SSBP2: variants seen among roughly 807,000 people sequenced by gnomAD.
The protein encoded by SSBP2 is single-stranded DNA-binding protein 2.
In SSBP2, 17 loss-of-function variants were observed where a neutral mutation model predicts 61.8. That is an observed-to-expected ratio of 0.28 (90% CI 0.19 to 0.41). SSBP2 has a LOEUF of 0.41. Ranked by LOEUF, SSBP2 falls within the 10% of genes least tolerant of loss-of-function variation. SSBP2 has a pLI of 1.00. For missense variants in SSBP2, 310 were observed against 458.7 expected (o/e 0.68, Z 2.96); for synonymous variants, 139 against 141.3 (o/e 0.98, Z 0.12).
intron 1 of SSBP2, among the ~76,000 whole-genome samples, chr5:81,713,236 A>C (rs1357281026): frequency 1.3e-5 from 2 of 152,150 alleles, no homozygotes; most frequent in Admixed American, 1.3e-4. Flanking sequence ...TGAGAGAAAA[A>C]GTTTACAAAC....
chr5:81,616,593 G>A (rs1174731357), intron 3 of SSBP2: 1 of 146,410 alleles, frequency 6.8e-6, no homozygotes, highest in African/African-American at 2.6e-5. Context: ...ACTGGGTGGA[G>A]CCCACCACAG....
chr5:81,454,860 G>A (rs1428953614), intron 10 of SSBP2, among the ~76,000 whole-genome samples: 1 of 152,130 alleles, frequency 6.6e-6, no homozygotes, highest in African/African-American at 2.4e-5. Context: ...GAAGAAATTT[G>A]AATCTAATGG....
intron 6 of SSBP2, among the ~76,000 whole-genome samples, chr5:81,484,126 G>A (rs966401789): frequency 6.6e-6 from 1 of 152,104 alleles, no homozygotes; most frequent in Non-Finnish European, 1.5e-5. Context: ...AGTATCTCTT[G>A]AATGATTCAA....
At chr5:81,442,979 T>C (rs1030874764) in intron 12 of SSBP2, 4 of 258,582 alleles carry the variant, frequency 1.5e-5, no homozygotes, top group Non-Finnish European at 2.9e-5. Flanking sequence ...TAAAAAATTA[T>C]AGTAAAGTTT....
intron 4 of SSBP2, among the ~76,000 whole-genome samples, chr5:81,550,502 T>C (rs1367310106): frequency 6.6e-6 from 1 of 152,198 alleles, no homozygotes; most frequent in Non-Finnish European, 1.5e-5. Flanking sequence ...CATTTAAAGA[T>C]ATTAAAAAGA....
intron 4 of SSBP2, among the ~76,000 whole-genome samples, chr5:81,551,652 A>G (rs966934581): frequency 2.0e-5 from 3 of 152,206 alleles, no homozygotes; most frequent in Non-Finnish European, 2.9e-5. Flanking sequence ...CATTTCTTCC[A>G]GTAAAGCTCT....
intron 4 of SSBP2, among the ~76,000 whole-genome samples, chr5:81,612,057 A>G (rs140170675): frequency 1.9e-3 from 285 of 152,266 alleles, no homozygotes; most frequent in African/African-American, 5.8e-3. Flanking sequence ...GAGGTGACAG[A>G]TAAGTTTATG....
At chr5:81,544,600 TTTTG>T (rs753872201) in intron 4 of SSBP2, among the ~76,000 whole-genome samples, 3 of 152,282 alleles carry the variant, frequency 2.0e-5, no homozygotes, top group East Asian at 3.9e-4. Flanking sequence ...ATCATTGTGG[TTTTG>T]TTTGTTTTTG....
intron 9 of SSBP2, among the ~76,000 whole-genome samples, chr5:81,465,209 G>A (rs1371140631): frequency 1.3e-5 from 2 of 151,910 alleles, no homozygotes; most frequent in African/African-American, 4.8e-5. Context: ...AGGCTTAAAG[G>A]TTCTTTACAA....
intron 4 of SSBP2, among the ~76,000 whole-genome samples, chr5:81,527,195 T>C (rs1273973077): frequency 6.6e-6 from 1 of 151,932 alleles, no homozygotes; most frequent in African/African-American, 2.4e-5. Flanking sequence ...AGTAAGCACA[T>C]GATTATTAGA....
At chr5:81,693,105 C>T (rs893695744) in intron 1 of SSBP2, among the ~76,000 whole-genome samples, 4 of 150,098 alleles carry the variant, frequency 2.7e-5, no homozygotes, top group Admixed American at 2.0e-4. Context: ...CTCAGGAGGC[C>T]GAGGCAGGAG....
chr5:81,438,865 T>C (rs1762835262), intron 14 of SSBP2, among the ~76,000 whole-genome samples: 1 of 152,252 alleles, frequency 6.6e-6, no homozygotes, highest in African/African-American at 2.4e-5. Flanking sequence ...GAAATGTTTC[T>C]CTGTGATGTT....
intron 8 of SSBP2, among the ~76,000 whole-genome samples, chr5:81,472,970 T>C (rs1201495550): frequency 6.6e-6 from 1 of 152,226 alleles, no homozygotes. Flanking sequence ...ACCTTTTGAA[T>C]AGTAATTATA....
intron 10 of SSBP2, among the ~76,000 whole-genome samples, chr5:81,458,218 G>C (rs1318583073): frequency 6.6e-6 from 1 of 152,120 alleles, no homozygotes; most frequent in Non-Finnish European, 1.5e-5. Context: ...ATTTTCTTTT[G>C]TTTGAAAAGA....
chr5:81,496,969 T>C (rs1438604143), intron 5 of SSBP2, among the ~76,000 whole-genome samples: 1 of 152,184 alleles, frequency 6.6e-6, no homozygotes, highest in East Asian at 1.9e-4. Context: ...ATTAAATACT[T>C]AATGTGGAGT....
At chr5:81,522,394 T>C (rs531412722) in intron 4 of SSBP2, among the ~76,000 whole-genome samples, 2 of 152,172 alleles carry the variant, frequency 1.3e-5, no homozygotes, top group African/African-American at 4.8e-5. Flanking sequence ...TGAGTGATTT[T>C]TTTAAATACA....
At chr5:81,746,045 G>C (rs938070955) in intron 1 of SSBP2, among the ~76,000 whole-genome samples, 3 of 152,000 alleles carry the variant, frequency 2.0e-5, no homozygotes, top group Non-Finnish European at 2.9e-5. Flanking sequence ...AACTGGCTTT[G>C]AAAGCGTGAA....
intron 1 of SSBP2, among the ~76,000 whole-genome samples, chr5:81,696,244 C>T (rs538676858): frequency 6.6e-6 from 1 of 152,220 alleles, no homozygotes; most frequent in East Asian, 1.9e-4. Context: ...TTTCTAGGTG[C>T]GAAGGATTCT....
At chr5:81,684,570 A>T (rs1042111182) in intron 1 of SSBP2, among the ~76,000 whole-genome samples, 2 of 151,942 alleles carry the variant, frequency 1.3e-5, no homozygotes, top group African/African-American at 4.8e-5. Context: ...GAGTCAAAGG[A>T]GGTTATTTGG....
Sources: gnomAD v4.1 joint callset for allele counts (sites outside exome capture counted in the v4.1 genomes callset) on GRCh38, gnomAD v4.1.1 for gene constraint, MANE v1.5 for transcripts, NCBI Gene and HGNC (gene_info 2026-07-23, HGNC 2026-07-21) for gene names.